SBK1: variants seen among roughly 807,000 people sequenced by gnomAD.
SBK1 encodes the protein SH3 domain binding kinase 1.
In SBK1, 11 loss-of-function variants were observed where a neutral mutation model predicts 24.4. That is an observed-to-expected ratio of 0.45 (90% confidence interval 0.28 to 0.75). SBK1 has a LOEUF of 0.75. Among genes scored for constraint, SBK1 ranks in the 30% least tolerant of loss-of-function variants. The pLI is 0.12. For missense variants in SBK1, 467 were observed against 620.5 expected, an observed-to-expected ratio of 0.75 and a Z score of 2.63; for synonymous variants, 308 against 284.4, an observed-to-expected ratio of 1.08 and a Z score of -0.83.
At position 28,293,271 on chromosome 16, in the gene SBK1, T is replaced by C; in HGVS notation, c.-37T>C. On this transcript the variant is annotated 5_prime_UTR_variant, in exon 1 of 4. Transcript: ENST00000341901. ...AGACCGCGACGGCGCCCAGGCCCCC[T>C]GCCGCGGCGTCCCCGCGGCCCCAGC... The C allele has an allele frequency of 1.0e-6, 1 of 985,446 alleles. No individual in the cohort carries two copies. Among genetic ancestry groups the C allele is most frequent in the Non-Finnish European group, 1.2e-6 (1 of 830,000 alleles). The allele number at this position is 985,446 out of a possible 1,614,324, so 61.0% of individuals were successfully genotyped here.
At chr16:28,296,638 A>C (rs1039435235) in intron 1 of SBK1, among the ~76,000 whole-genome samples, 2 of 152,142 alleles carry the variant, frequency 1.3e-5, no homozygotes, top group African/African-American at 4.8e-5. Flanking sequence ...AATAGTGTCC[A>C]CCCAGGGTCT....
intron 1 of SBK1, among the ~76,000 whole-genome samples, chr16:28,280,137 A>ATGTGTG (rs1361531982): frequency 3.4e-5 from 2 of 59,114 alleles, no homozygotes; most frequent in African/African-American, 4.5e-5. Flanking sequence ...ATATATATAT[A>ATGTGTG]TATATATATA....
intron 1 of SBK1, among the ~76,000 whole-genome samples, chr16:28,297,539 T>G (rs2044649244): frequency 6.6e-6 from 1 of 152,182 alleles, no homozygotes; most frequent in Admixed American, 6.5e-5. Flanking sequence ...GGCTCTGGAT[T>G]CTGCCTGGGC....
chr16:28,267,597 A>G (rs1410479149), intron 1 of SBK1, among the ~76,000 whole-genome samples: 1 of 152,216 alleles, frequency 6.6e-6, no homozygotes, highest in African/African-American at 2.4e-5. Flanking sequence ...GAACTAATCA[A>G]CTGAAAATGG....
chr16:28,278,909 T>A (rs2044511563), intron 1 of SBK1, among the ~76,000 whole-genome samples: 1 of 152,180 alleles, frequency 6.6e-6, no homozygotes, highest in Non-Finnish European at 1.5e-5. Context: ...AACCTCCCTG[T>A]GCCCAAAGGA....
At chr16:28,299,610 A>G (rs13335125) in intron 1 of SBK1, among the ~76,000 whole-genome samples, 3,251 of 152,182 alleles carry the variant, frequency 0.021, 123 homozygotes, top group African/African-American at 0.074. Flanking sequence ...GGCCTCCCCG[A>G]GAAACCTCTA....
chr16:28,281,838 C>CA, intron 1 of SBK1, among the ~76,000 whole-genome samples: 1 of 152,130 alleles, frequency 6.6e-6, no homozygotes, highest in Non-Finnish European at 1.5e-5. Flanking sequence ...GGGGAGGGAA[C>CA]AGCCAGGTGG....
At chr16:28,270,832 CTTATTTATTTATTTATTTAT>C (rs199763829) in intron 1 of SBK1, among the ~76,000 whole-genome samples, 75 of 147,744 alleles carry the variant, frequency 5.1e-4, no homozygotes, top group East Asian at 1.4e-3. Context: ...TGCACCCTTT[CTTATTTATTTATTTATTTAT>C]TTATTTATTT....
At chr16:28,297,181 A>T (rs2044646679) in intron 1 of SBK1, among the ~76,000 whole-genome samples, 1 of 152,134 alleles carries the variant, frequency 6.6e-6, no homozygotes, top group Non-Finnish European at 1.5e-5. Context: ...AATACAAAAA[A>T]TTAGCCAGGT....
chr16:28,268,533 C>T (rs565515994), intron 1 of SBK1, among the ~76,000 whole-genome samples: 15 of 150,918 alleles, frequency 9.9e-5, no homozygotes, highest in Non-Finnish European at 1.5e-4. Context: ...GAGGCTGAGG[C>T]GGGTGGATCA....
At chr16:28,264,555 G>GCCC (rs1189923159) in intron 1 of SBK1, among the ~76,000 whole-genome samples, 1 of 150,464 alleles carries the variant, frequency 6.6e-6, no homozygotes, top group East Asian at 2.0e-4. Context: ...CTGGGCAATA[G>GCCC]AGCGAGACTC....
intron 1 of SBK1, among the ~76,000 whole-genome samples, chr16:28,308,740 G>GGTGTGTGTGTGT (rs763015809): frequency 7.9e-4 from 103 of 130,590 alleles, no homozygotes; most frequent in Non-Finnish European, 8.7e-4. Context: ...CGTTCTTTGG[G>GGTGTGTGTGTGT]GTGTGTGTGT....
intron 1 of SBK1, among the ~76,000 whole-genome samples, chr16:28,311,019 G>T (rs2044750922): frequency 6.6e-6 from 1 of 152,202 alleles, no homozygotes; most frequent in South Asian, 2.1e-4. Context: ...TGGGTGCGTG[G>T]ATTAATTCCT....
intron 1 of SBK1, among the ~76,000 whole-genome samples, chr16:28,304,646 C>T (rs1457164829): frequency 6.6e-6 from 1 of 151,718 alleles, no homozygotes; most frequent in African/African-American, 2.4e-5. Context: ...CTTGCTCTGT[C>T]GCCCAGGCTG....
intron 1 of SBK1, among the ~76,000 whole-genome samples, chr16:28,272,192 C>T (rs1464055511): frequency 6.6e-6 from 1 of 152,126 alleles, no homozygotes; most frequent in African/African-American, 2.4e-5. Context: ...TCCTCAGCCT[C>T]CAGAGTAGCT....
intron 1 of SBK1, among the ~76,000 whole-genome samples, chr16:28,281,116 C>G (rs1661585494): frequency 1.3e-5 from 2 of 152,168 alleles, no homozygotes; most frequent in Admixed American, 6.5e-5. Context: ...CACCTGGCAT[C>G]TCATTCCCCT....
rs1035538602 is a variant in SBK1, at chr16:28,293,356, C to T, written c.-8+56C>T. The T allele has an allele frequency of 8.3e-6, 7 of 845,144 alleles. No individual in the cohort carries two copies. In the African/African-American group the frequency reaches 1.3e-4, roughly 15 times the overall value. The allele number at this position is 845,144 out of a possible 1,614,324, so 52.4% of individuals were successfully genotyped here. On this transcript the variant is annotated intron_variant, in intron 1 of 3. Transcript: ENST00000341901. Reference sequence around the variant, plus strand: ...TGAGTGGCCACCGAGGTCCCCATAGCCCTGCAGGTGGGGAAGGAAGTATCG... The same window carrying T: ...TGAGTGGCCACCGAGGTCCCCATAGTCCTGCAGGTGGGGAAGGAAGTATCG...
At chr16:28,304,799 G>A (rs2044704215) in intron 1 of SBK1, among the ~76,000 whole-genome samples, 1 of 152,020 alleles carries the variant, frequency 6.6e-6, no homozygotes, top group Admixed American at 6.6e-5. Flanking sequence ...TAGTAGAGAT[G>A]GGGTTTCACC....
intron 1 of SBK1, among the ~76,000 whole-genome samples, chr16:28,277,048 T>C (rs952130976): frequency 1.3e-5 from 2 of 151,646 alleles, no homozygotes; most frequent in Non-Finnish European, 2.9e-5. Context: ...GTGCCTGAAA[T>C]AGAGAACTCA....
Sources: gnomAD v4.1 joint callset for allele counts (sites outside exome capture counted in the v4.1 genomes callset) on GRCh38, gnomAD v4.1.1 for gene constraint, MANE v1.5 for transcripts, NCBI Gene and HGNC (gene_info 2026-07-23, HGNC 2026-07-21) for gene names.